The following BBS9 variants were observed in gnomAD, a reference collection of about 807,000 sequenced individuals.
BBS9 encodes the protein Bardet-Biedl syndrome 9.
BBS9 carries 89 observed loss-of-function variants against 117.7 expected under a neutral mutation model. The observed-to-expected ratio is 0.76, with a 90% confidence interval of 0.64 to 0.90. BBS9 has a LOEUF of 0.90. BBS9 is among the 40% of genes least tolerant of loss of function. BBS9 has a pLI of 0.00. For missense variants in BBS9, 982 were observed against 1,042.2 expected (o/e 0.94, Z 0.80); for synonymous variants, 379 against 370.9 (o/e 1.02, Z -0.25).
chr7:33,484,521 G>A (rs116681828), intron 19 of BBS9, among the ~76,000 whole-genome samples: 1,690 of 152,164 alleles, frequency 0.011, 35 homozygotes, highest in African/African-American at 0.039. Context: ...TTTGACTGCA[G>A]CCAACAAACA....
intron 19 of BBS9, among the ~76,000 whole-genome samples, chr7:33,502,153 C>G (rs574849454): frequency 3.4e-4 from 51 of 152,234 alleles, no homozygotes; most frequent in African/African-American, 1.1e-3. Flanking sequence ...TGTGATCTGC[C>G]CGCCTCGGCC....
Position 33,189,669 on chromosome 7 carries a change from C to T in BBS9, c.442+12078C>T, listed in dbSNP as rs577168659. Among the ~76,000 whole-genome samples, 43 of 151,686 alleles carry T rather than the reference C, an allele frequency of 2.8e-4. 1 individual carries two copies. Among genetic ancestry groups the T allele is most frequent in the Admixed American group, 2.4e-3 (37 of 15,230 alleles). ...TTGGGAGGCTGAGGGGGGCGGATCA[C>T]GAGGTCAGGAGATCAAGACCATCCT... is the stretch of plus-strand genomic sequence containing the variant. On this transcript the variant is annotated intron_variant, in intron 5 of 22. Coordinates refer to ENST00000242067, the MANE Select transcript of BBS9 (RefSeq NM_198428.3).
At chr7:33,617,070 T>G (rs1189396871) in intron 21 of BBS9, among the ~76,000 whole-genome samples, 1 of 152,014 alleles carries the variant, frequency 6.6e-6, no homozygotes, top group Non-Finnish European at 1.5e-5. Context: ...ACGGGTAGTA[T>G]TCCATAGTGT....
chr7:33,386,630 A>G lies in BBS9; in HGVS notation c.1963-1362A>G, dbSNP rs1254109330. Reference sequence around the variant, plus strand: ...CTCAGCCTCCTGAGTAGCTGGGACTACAGGTGCCCACCACCACGCCCAGCT... The same window carrying G: ...CTCAGCCTCCTGAGTAGCTGGGACTGCAGGTGCCCACCACCACGCCCAGCT... On this transcript the variant is annotated intron_variant, in intron 18 of 22. Transcript: ENST00000242067. 3.3e-5 allele frequency among the ~76,000 whole-genome samples: 5 copies of G among 151,924 alleles called. No individual in the cohort carries two copies. In the East Asian group the frequency reaches 5.8e-4, roughly 18 times the overall value.
chr7:33,389,759 A>G (rs958937989), intron 19 of BBS9, among the ~76,000 whole-genome samples: 4 of 151,790 alleles, frequency 2.6e-5, no homozygotes, highest in Non-Finnish European at 4.4e-5. Flanking sequence ...AGGACAGTCT[A>G]TAGTAGCAGT....
intron 5 of BBS9, among the ~76,000 whole-genome samples, chr7:33,192,161 T>C (rs1449178356): frequency 6.6e-6 from 1 of 152,204 alleles, no homozygotes; most frequent in African/African-American, 2.4e-5. Context: ...TCTGGTGCTG[T>C]ATAATGGAAT....
chr7:33,469,114 T>C (rs1840620156), intron 19 of BBS9, among the ~76,000 whole-genome samples: 1 of 152,058 alleles, frequency 6.6e-6, no homozygotes, highest in African/African-American at 2.4e-5. Flanking sequence ...GTAAGTAGTG[T>C]CAGACTGGTC....
At chr7:33,603,254 T>G (rs530019470) in intron 21 of BBS9, among the ~76,000 whole-genome samples, 1 of 152,160 alleles carries the variant, frequency 6.6e-6, no homozygotes, top group Non-Finnish European at 1.5e-5. Flanking sequence ...TTCTGCCTTT[T>G]TTTTTCAGGG....
intron 20 of BBS9, among the ~76,000 whole-genome samples, chr7:33,526,044 A>C (rs1361418210): frequency 1.3e-5 from 2 of 151,556 alleles, no homozygotes; most frequent in Non-Finnish European, 2.9e-5. Context: ...CTGGGTTGAA[A>C]ATTCTTTTCT....
At chr7:33,456,215 T>G (rs907800362) in intron 19 of BBS9, among the ~76,000 whole-genome samples, 3 of 152,186 alleles carry the variant, frequency 2.0e-5, no homozygotes, top group Non-Finnish European at 2.9e-5. Context: ...TTTAAACAAA[T>G]TTGAGCTGTA....
At chr7:33,535,296 A>G (rs1281802525) in intron 21 of BBS9, among the ~76,000 whole-genome samples, 3 of 152,316 alleles carry the variant, frequency 2.0e-5, no homozygotes, top group South Asian at 2.1e-4. Flanking sequence ...GAGTTTATCA[A>G]GCACCTAGCA....
chr7:33,552,077 A>G (rs1854514100), intron 21 of BBS9, among the ~76,000 whole-genome samples: 1 of 152,166 alleles, frequency 6.6e-6, no homozygotes, highest in Non-Finnish European at 1.5e-5. Flanking sequence ...ACATATCTGT[A>G]GTGATCATTG....
At chr7:33,594,814 T>C (rs1238459806) in intron 21 of BBS9, among the ~76,000 whole-genome samples, 1 of 152,130 alleles carries the variant, frequency 6.6e-6, no homozygotes, top group Non-Finnish European at 1.5e-5. Context: ...GTGCCTGTTG[T>C]ATTTATTAAG....
At chr7:33,157,395 A>G (rs1794251313) in intron 4 of BBS9, among the ~76,000 whole-genome samples, 1 of 152,174 alleles carries the variant, frequency 6.6e-6, no homozygotes, top group Non-Finnish European at 1.5e-5. Context: ...GTGTTCATTT[A>G]AAAGCTTTGT....
intron 9 of BBS9, among the ~76,000 whole-genome samples, chr7:33,287,068 G>A (rs1803044238): frequency 6.6e-6 from 1 of 152,094 alleles, no homozygotes; most frequent in Admixed American, 6.6e-5. Context: ...TATATGACCT[G>A]TATTTCAGAA....
At chr7:33,147,537 A>G (rs1004002633) in intron 2 of BBS9, among the ~76,000 whole-genome samples, 1 of 152,156 alleles carries the variant, frequency 6.6e-6, no homozygotes, top group Non-Finnish European at 1.5e-5. Flanking sequence ...AAGGCCTTCT[A>G]TTCAGAGGAT....
chr7:33,234,082 C>T (rs1793002174), intron 5 of BBS9, among the ~76,000 whole-genome samples: 1 of 152,144 alleles, frequency 6.6e-6, no homozygotes, highest in African/African-American at 2.4e-5. Context: ...TAGTAGCCTT[C>T]TCAATGATCA....
chr7:33,555,434 C>T (rs1855145398), intron 21 of BBS9, among the ~76,000 whole-genome samples: 1 of 152,088 alleles, frequency 6.6e-6, no homozygotes, highest in South Asian at 2.1e-4. Flanking sequence ...CCTGTTTTTT[C>T]AGATAATGAA....
Position 33,633,833 on chromosome 7 carries a change from G to C in BBS9, c.2522-1344G>C, listed in dbSNP as rs1585515390. ...TTTGCCTACAGCCTACCTTTCCTCT[G>C]TGTGAGTTGGAGTTTGTCACTTGGA... On this transcript the variant is annotated intron_variant, in intron 21 of 21. Transcript: ENST00000671952. Among the ~76,000 whole-genome samples, 3 of 152,156 alleles carry C rather than the reference G, an allele frequency of 2.0e-5. No homozygotes were observed. In the South Asian group the frequency reaches 6.2e-4, roughly 32 times the overall value.
Sources: allele counts gnomAD v4.1 joint callset (sites outside exome capture counted in the v4.1 genomes callset), GRCh38; gene constraint gnomAD v4.1.1; transcripts MANE v1.5; gene names NCBI Gene and HGNC (gene_info 2026-07-23, HGNC 2026-07-21).